Variants in GAB1 observed in about 807,000 individuals in gnomAD.
GAB1 encodes GRB2-associated-binding protein 1.
In GAB1, 19 loss-of-function variants were observed where a neutral mutation model predicts 66.5. That is an observed-to-expected ratio of 0.29 (90% CI 0.20 to 0.42). The LOEUF is 0.42. Among genes scored for constraint, GAB1 ranks in the 10% least tolerant of loss-of-function variants. GAB1 has a pLI of 1.00. For missense variants in GAB1, 732 were observed against 858.5 expected, an observed-to-expected ratio of 0.85 and a Z score of 1.84; for synonymous variants, 294 against 301.4, an observed-to-expected ratio of 0.98 and a Z score of 0.25.
intron 1 of GAB1, among the ~76,000 whole-genome samples, chr4:143,337,661 C>T (rs1728705264): frequency 6.6e-6 from 1 of 152,092 alleles, no homozygotes; most frequent in Admixed American, 6.5e-5. Flanking sequence ...GCTCCCGCAC[C>T]GGGAAAACTG....
intron 9 of GAB1, 89 bp from the exon 10 acceptor site, chr4:143,468,942 C>A: frequency 7.4e-7 from 1 of 1,348,016 alleles, no homozygotes. Context: ...AAAGTATTCA[C>A]AGTGGATGTG....
chr4:143,387,990 T>C (rs1356358741), intron 1 of GAB1, among the ~76,000 whole-genome samples: 1 of 152,172 alleles, frequency 6.6e-6, no homozygotes, highest in African/African-American at 2.4e-5. Flanking sequence ...GACTATGGCT[T>C]AGCACATGGT....
chr4:143,443,532 C>T (rs1025962927), intron 6 of GAB1, among the ~76,000 whole-genome samples: 2 of 152,130 alleles, frequency 1.3e-5, no homozygotes, highest in Non-Finnish European at 2.9e-5. Context: ...AATAATGTCT[C>T]GTTTGGTCCT....
chr4:143,345,054 T>C (rs992597455), intron 1 of GAB1, among the ~76,000 whole-genome samples: 1 of 152,218 alleles, frequency 6.6e-6, no homozygotes, highest in Non-Finnish European at 1.5e-5. Context: ...TTCCATGTGG[T>C]TGTTTTTAGC....
At chr4:143,415,824 C>A in intron 2 of GAB1, 53 bp downstream of exon 2, 3 of 1,288,266 alleles carry the variant, frequency 2.3e-6, no homozygotes, top group Non-Finnish European at 3.2e-6. Context: ...TGCTACATTT[C>A]CAGAAATGTC....
At chr4:143,401,176 A>G (rs914138914) in intron 1 of GAB1, among the ~76,000 whole-genome samples, 1 of 152,214 alleles carries the variant, frequency 6.6e-6, no homozygotes, top group African/African-American at 2.4e-5. Context: ...TTTAAAGTAT[A>G]AACACTTGAA....
intron 8 of GAB1, among the ~76,000 whole-genome samples, chr4:143,463,492 A>T (rs994036569): frequency 6.6e-6 from 1 of 151,682 alleles, no homozygotes; most frequent in Non-Finnish European, 1.5e-5. Flanking sequence ...GCGTGGTGGC[A>T]GGCGCCTGTA....
chr4:143,340,775 T>C (rs1291019879), intron 1 of GAB1, among the ~76,000 whole-genome samples: 4 of 152,240 alleles, frequency 2.6e-5, no homozygotes, highest in Non-Finnish European at 5.9e-5. Flanking sequence ...GTCCTGGGAT[T>C]ACAGGCATGA....
chr4:143,363,416 A>G (rs985988597), intron 1 of GAB1, among the ~76,000 whole-genome samples: 1 of 152,188 alleles, frequency 6.6e-6, no homozygotes, highest in Non-Finnish European at 1.5e-5. Context: ...GTAGTACTAT[A>G]GGACCTAATG....
intron 9 of GAB1, among the ~76,000 whole-genome samples, chr4:143,467,020 T>A (rs73850420): frequency 0.01 from 1,583 of 152,330 alleles, 23 homozygotes; most frequent in African/African-American, 0.036. Flanking sequence ...CCTTCTGCAA[T>A]AATTTTCCCT....
At chr4:143,363,355 G>A (rs1447849673) in intron 1 of GAB1, among the ~76,000 whole-genome samples, 1 of 152,214 alleles carries the variant, frequency 6.6e-6, no homozygotes, top group East Asian at 1.9e-4. Flanking sequence ...GCTCCTGGGT[G>A]CTGTGGGCAT....
intron 1 of GAB1, chr4:143,391,373 G>C (rs1731178404): frequency 6.6e-6 from 1 of 152,088 alleles, no homozygotes; most frequent in Admixed American, 6.5e-5. Context: ...TGGACAAAAA[G>C]CAGTAGAAGG....
chr4:143,464,188 C>A (rs1427306015), intron 8 of GAB1, among the ~76,000 whole-genome samples: 1 of 152,042 alleles, frequency 6.6e-6, no homozygotes, highest in Non-Finnish European at 1.5e-5. Context: ...AGGACCAAAA[C>A]TTGCTTATAT....
At chr4:143,366,940 TTAAGGACTATCTCAAATGG>T (rs1318587961) in intron 1 of GAB1, among the ~76,000 whole-genome samples, 1 of 152,004 alleles carries the variant, frequency 6.6e-6, no homozygotes, top group Admixed American at 6.6e-5. Context: ...CATTCCTTCT[TTAAGGACTATCTCAAATGG>T]TACTTTTTTC....
intron 2 of GAB1, among the ~76,000 whole-genome samples, chr4:143,429,827 A>G (rs1025136941): frequency 6.6e-6 from 1 of 152,244 alleles, no homozygotes; most frequent in African/African-American, 2.4e-5. Flanking sequence ...CTATAAGTTA[A>G]GAATACTCAC....
At chr4:143,450,223 A>G (rs1734843142) in intron 6 of GAB1, among the ~76,000 whole-genome samples, 1 of 152,112 alleles carries the variant, frequency 6.6e-6, no homozygotes, top group South Asian at 2.1e-4. Flanking sequence ...GAGACCATTA[A>G]AACTTATAAA....
At chr4:143,454,773 A>G (rs1408274553) in intron 6 of GAB1, among the ~76,000 whole-genome samples, 1 of 152,106 alleles carries the variant, frequency 6.6e-6, no homozygotes, top group Non-Finnish European at 1.5e-5. Context: ...TGTATAATCA[A>G]CTTTCACACA....
At chr4:143,467,829 T>C (rs984537065) in intron 9 of GAB1, among the ~76,000 whole-genome samples, 8 of 152,172 alleles carry the variant, frequency 5.3e-5, no homozygotes, top group African/African-American at 1.9e-4. Flanking sequence ...ATTTTTGAGA[T>C]TGACATTCAT....
intron 1 of GAB1, among the ~76,000 whole-genome samples, chr4:143,360,999 A>AT (rs1271057448): frequency 6.6e-6 from 1 of 152,100 alleles, no homozygotes; most frequent in South Asian, 2.1e-4. Flanking sequence ...AACAAGACAT[A>AT]TTTTTGCTAT....
Sources: gnomAD v4.1 joint callset for allele counts (sites outside exome capture counted in the v4.1 genomes callset) on GRCh38, gnomAD v4.1.1 for gene constraint, MANE v1.5 for transcripts, NCBI Gene and HGNC (gene_info 2026-07-23, HGNC 2026-07-21) for gene names.